NR6A1: variants seen among roughly 807,000 people sequenced by gnomAD.
NR6A1 encodes the protein nuclear receptor subfamily 6 group A member 1, also known as retinoic acid receptor-related testis-associated receptor.
In NR6A1, 7 loss-of-function variants were observed where a neutral mutation model predicts 59.1. The ratio of observed to expected loss-of-function variants is 0.12; its 90% confidence interval spans 0.07 to 0.22. The LOEUF (loss-of-function observed/expected upper bound fraction) is 0.22. NR6A1 is among the 10% of genes least tolerant of loss of function. NR6A1 has a pLI of 1.00. For synonymous variants in NR6A1, 243 were observed against 236.1 expected (o/e 1.03, Z -0.27); for missense variants, 468 against 611.6 (o/e 0.77, Z 2.48).
In NR6A1 at chr9:124,517,891, T is replaced by C. The variant is rs1832722046; in HGVS notation, c.*4814A>G. On this transcript the variant is annotated 3_prime_UTR_variant, in exon 10 of 10. Coordinates refer to ENST00000487099, the MANE Select transcript of NR6A1 (RefSeq NM_033334.4). The stretch of plus-strand genomic sequence containing the variant: ...AGAAACATGTAAACAGAGCAGGAGC[T>C]ACAGTATTCTTTTCCCACAGGATTC... 1 of 151,888 alleles carries C rather than the reference T, an allele frequency of 6.6e-6. No homozygotes were observed. Among genetic ancestry groups the C allele is most frequent in the Non-Finnish European group, 1.5e-5 (1 of 68,002 alleles). 9.4% of individuals were successfully genotyped at this position (151,888 alleles called of 1,614,324 possible). A position where few individuals can be genotyped will look rare whatever the true frequency, so the allele number is the denominator to read the frequency against.
chr9:124,759,704 G>T (rs1172715271), intron 1 of NR6A1, among the ~76,000 whole-genome samples: 2 of 152,132 alleles, frequency 1.3e-5, no homozygotes, highest in African/African-American at 4.8e-5. Context: ...ACCGAAGATT[G>T]TCCCTGATTT....
At chr9:124,586,393 G>T (rs56754264) in intron 2 of NR6A1, among the ~76,000 whole-genome samples, 1 of 151,948 alleles carries the variant, frequency 6.6e-6, no homozygotes, top group Non-Finnish European at 1.5e-5. Flanking sequence ...CTAGAAACTA[G>T]AATTAGAAGT....
In NR6A1 at chr9:124,765,894, G is replaced by A. The variant is rs894824146; in HGVS notation, c.100+5126C>T. On this transcript the variant is annotated intron_variant, in intron 1 of 9. Coordinates refer to ENST00000487099, the MANE Select transcript of NR6A1 (RefSeq NM_033334.4). ...CTCTTTTTCCTGTGGCTATTTCTCC[G>A]CCATACTGAAAAACAGGTTAGACAT... is the stretch of plus-strand genomic sequence containing the variant. Among the ~76,000 whole-genome samples the A allele has an allele frequency of 5.9e-5, 9 of 152,102 alleles. No homozygotes were observed. In the South Asian group the frequency reaches 1.5e-3, roughly 25 times the overall value.
chr9:124,757,867 T>C (rs1840679325), intron 1 of NR6A1, among the ~76,000 whole-genome samples: 1 of 152,248 alleles, frequency 6.6e-6, no homozygotes, highest in African/African-American at 2.4e-5. Context: ...GCTCTGAAAC[T>C]AGCTTTGGAG....
intron 2 of NR6A1, among the ~76,000 whole-genome samples, chr9:124,571,305 C>T (rs1834430480): frequency 1.3e-5 from 2 of 152,144 alleles, no homozygotes; most frequent in Non-Finnish European, 2.9e-5. Flanking sequence ...TGAACACAAA[C>T]ATGCAATTCT....
chr9:124,770,940 G>C (rs1227159002), intron 1 of NR6A1, 80 bp downstream of exon 1: 2 of 818,444 alleles, frequency 2.4e-6, no homozygotes, highest in South Asian at 6.2e-5. Flanking sequence ...GCGAGGGTCG[G>C]CAGAGAGGAG....
intron 3 of NR6A1, among the ~76,000 whole-genome samples, chr9:124,548,946 A>T (rs1345137953): frequency 6.6e-6 from 1 of 152,034 alleles, no homozygotes; most frequent in African/African-American, 2.4e-5. Context: ...CAGTCAATCC[A>T]TCTAACCAGG....
intron 2 of NR6A1, among the ~76,000 whole-genome samples, chr9:124,705,170 G>A (rs958913396): frequency 1.3e-5 from 2 of 152,158 alleles, no homozygotes; most frequent in African/African-American, 2.4e-5. Context: ...TGTATATTTT[G>A]CATAAAGTGT....
intron 2 of NR6A1, among the ~76,000 whole-genome samples, chr9:124,563,534 T>A (rs1358713824): frequency 6.6e-6 from 1 of 152,184 alleles, no homozygotes; most frequent in Non-Finnish European, 1.5e-5. Context: ...ACAGATTTGC[T>A]AGGGATGAAA....
chr9:124,660,531 G>A (rs566068497), intron 2 of NR6A1, among the ~76,000 whole-genome samples: 14 of 151,958 alleles, frequency 9.2e-5, no homozygotes, highest in Non-Finnish European at 1.6e-4. Context: ...GGACAATAGC[G>A]ATTTGTTAGC....
intron 2 of NR6A1, among the ~76,000 whole-genome samples, chr9:124,561,129 T>C (rs901618242): frequency 2.6e-5 from 4 of 152,036 alleles, no homozygotes; most frequent in African/African-American, 9.7e-5. Flanking sequence ...ATTATATTAA[T>C]AATTTTTTAA....
rs565157296 is a variant in NR6A1 at position 124,751,580 on chromosome 9, AC to A, written c.101-18232del. Among the ~76,000 whole-genome samples, 90 of 152,342 alleles carry A rather than the reference AC, an allele frequency of 5.9e-4. 1 individual carries two copies. The South Asian group carries it at 0.018, about 30-fold the overall frequency. ...GCAAGAATTATATATTCTAGCTTAT[AC>A]CCAAGTATCAGAAAAATTTTACTAA... On this transcript the variant is annotated intron_variant, in intron 1 of 9. Transcript: ENST00000487099.
intron 2 of NR6A1, among the ~76,000 whole-genome samples, chr9:124,574,410 CAG>C (rs1271456719): frequency 6.6e-6 from 1 of 152,190 alleles, no homozygotes; most frequent in African/African-American, 2.4e-5. Flanking sequence ...GGAGCCTTAG[CAG>C]AGTCATTTAA....
intron 2 of NR6A1, among the ~76,000 whole-genome samples, chr9:124,642,509 T>C (rs1247489089): frequency 6.6e-6 from 1 of 152,202 alleles, no homozygotes; most frequent in Non-Finnish European, 1.5e-5. Flanking sequence ...GGCAACTGTT[T>C]TATGCATTAT....
intron 2 of NR6A1, among the ~76,000 whole-genome samples, chr9:124,636,959 G>A (rs909617490): frequency 1.3e-5 from 2 of 152,242 alleles, no homozygotes; most frequent in Admixed American, 6.5e-5. Context: ...CACTAAGACA[G>A]GGTCACTTTC....
intron 2 of NR6A1, among the ~76,000 whole-genome samples, chr9:124,704,490 A>G (rs947334518): frequency 4.0e-5 from 6 of 151,706 alleles, no homozygotes; most frequent in African/African-American, 2.4e-5. Flanking sequence ...AGCTCACCGC[A>G]GCCTCAAACT....
chr9:124,655,492 T>A (rs1476761917), intron 2 of NR6A1, among the ~76,000 whole-genome samples: 1 of 152,226 alleles, frequency 6.6e-6, no homozygotes, highest in Non-Finnish European at 1.5e-5. Context: ...TTTTTCCAAC[T>A]AATATTTATT....
intron 2 of NR6A1, chr9:124,658,495 A>AT (rs371455704): frequency 3.5e-4 from 52 of 150,144 alleles, no homozygotes; most frequent in African/African-American, 1.0e-3. Context: ...CCAGTATCTA[A>AT]TTTTTTTTTT....
intron 2 of NR6A1, among the ~76,000 whole-genome samples, chr9:124,647,215 C>T (rs1203066762): frequency 6.6e-6 from 1 of 152,084 alleles, no homozygotes; most frequent in South Asian, 2.1e-4. Context: ...CAGTGCCTGG[C>T]CCTGGTTTTT....
Sources: gnomAD v4.1 joint callset for allele counts (sites outside exome capture counted in the v4.1 genomes callset) on GRCh38, gnomAD v4.1.1 for gene constraint, MANE v1.5 for transcripts, NCBI Gene and HGNC (gene_info 2026-07-23, HGNC 2026-07-21) for gene names.